The following IL6ST variants were observed in gnomAD, a reference collection of about 807,000 sequenced individuals.
IL6ST encodes interleukin 6 cytokine family signal transducer.
IL6ST carries 24 observed loss-of-function variants against 91.3 expected under a neutral mutation model. The ratio of observed to expected loss-of-function variants is 0.26; its 90% CI spans 0.19 to 0.37. The LOEUF (loss-of-function observed/expected upper bound fraction) is 0.37. Ranked by LOEUF, IL6ST falls within the 10% of genes least tolerant of loss-of-function variation. IL6ST has a pLI of 1.00. For synonymous variants in IL6ST, 351 were observed against 373.6 expected, an observed-to-expected ratio of 0.94 and a Z score of 0.70; for missense variants, 914 against 1,078.5, an observed-to-expected ratio of 0.85 and a Z score of 2.14.
Position 55,936,981 on chromosome 5 carries a change from A to C in IL6ST, c.*4101T>G, listed in dbSNP as rs1307274112. On this transcript the variant is annotated 3_prime_UTR_variant, in exon 17 of 17. Coordinates refer to ENST00000381298, the MANE Select transcript of IL6ST (RefSeq NM_002184.4). ...CAAATTGCACATTTATTTTTAGAGT[A>C]TATTCAATACACATACATATTGAGA... is the stretch of plus-strand genomic sequence containing the variant. 1.5e-5 allele frequency: 3 copies of C among 200,312 alleles called. No homozygotes were observed. Among genetic ancestry groups the C allele is most frequent in the Non-Finnish European group, 1.0e-5 (1 of 96,982 alleles). 12.4% of individuals were successfully genotyped at this position (200,312 alleles called of 1,614,324 possible).
At chr5:55,966,913 G>A (rs1752663988) in intron 5 of IL6ST, among the ~76,000 whole-genome samples, 1 of 151,440 alleles carries the variant, frequency 6.6e-6, no homozygotes, top group African/African-American at 2.4e-5. Flanking sequence ...GGTCTTTCCT[G>A]ACAGAAGTAC....
Position 55,939,063 on chromosome 5 carries a change from G to C in IL6ST, c.*2019C>G, listed in dbSNP as rs1048745. The C allele has an allele frequency of 4.9e-6, 1 of 205,774 alleles. No individual in the cohort carries two copies. Among genetic ancestry groups the C allele is most frequent in the Non-Finnish European group, 9.9e-6 (1 of 100,748 alleles). 12.7% of individuals were successfully genotyped at this position (205,774 alleles called of 1,614,324 possible). A position where few individuals can be genotyped will look rare whatever the true frequency, so the allele number is the denominator to read the frequency against. ...TACAACATTCTTCATGACACTATTT[G>C]TTATGAGGAAAGTTGCAGCTAAATA... On this transcript the variant is annotated 3_prime_UTR_variant, in exon 17 of 17. Coordinates refer to ENST00000381298, the MANE Select transcript of IL6ST (RefSeq NM_002184.4).
chr5:55,975,855 G>A (rs921344517), intron 3 of IL6ST, among the ~76,000 whole-genome samples: 1 of 149,820 alleles, frequency 6.7e-6, no homozygotes, highest in Admixed American at 6.7e-5. Context: ...TATGAATGAC[G>A]TAAAATTTAA....
At chr5:55,979,495 C>G (rs938104291) in intron 2 of IL6ST, among the ~76,000 whole-genome samples, 1 of 152,012 alleles carries the variant, frequency 6.6e-6, no homozygotes, top group East Asian at 1.9e-4. Flanking sequence ...AAAAATTATC[C>G]CAATACCATT....
chr5:55,949,854 G>T (rs968376158), intron 14 of IL6ST, among the ~76,000 whole-genome samples: 1 of 152,136 alleles, frequency 6.6e-6, no homozygotes, highest in Non-Finnish European at 1.5e-5. Context: ...TGGCACTTGG[G>T]GGTGGGGGTT....
In IL6ST at chr5:55,956,203, G is replaced by A. The variant is rs1751960138; in HGVS notation, c.1089C>T (p.Ile363=). 1 of 1,609,492 alleles carries A rather than the reference G, an allele frequency of 6.2e-7. No individual in the cohort carries two copies. The highest frequency in any genetic ancestry group is 1.3e-5 in the African/African-American group (1 of 74,950). The part of the protein sequence containing the change: ...TLPPFEANGK[I]LDYEVTLTRW... ...TTGTGAGAGTCACTTCATAATCCAA[G>A]ATTTTTCCATTGGCTTCAAAAGGAG... is the stretch of plus-strand genomic sequence containing the variant. Residue 363 remains isoleucine (I), a synonymous_variant, in exon 10 of 17, where the codon ATC becomes ATT. Transcript: ENST00000381298.
At position 55,969,725 on chromosome 5, in the gene IL6ST, A is replaced by T. The variant is rs1335073844; in HGVS notation, c.195T>A (p.Ile65=). The part of the protein sequence containing the change: ...MDYFHVNANY[I]VWKTNHFTIP... ...TAGTAAAATGGTTTGTTTTCCAGAC[A>T]ATGTAATTAGCATTTACATGAAAAT... The change falls in exon 4 of 17, where the codon ATT becomes ATA. Residue 65 remains isoleucine, a synonymous_variant. Coordinates refer to ENST00000381298, the MANE Select transcript of IL6ST (RefSeq NM_002184.4). 8.7e-6 allele frequency: 14 copies of T among 1,611,470 alleles called. No homozygotes were observed. The highest frequency in any genetic ancestry group is 1.2e-5 in the Non-Finnish European group (14 of 1,177,750).
chr5:55,958,788 G>A (rs1011765576), intron 8 of IL6ST, among the ~76,000 whole-genome samples: 5 of 149,246 alleles, frequency 3.4e-5, no homozygotes, highest in African/African-American at 9.9e-5. Context: ...GCAGCGAGCC[G>A]TGTTCATGCC....
chr5:55,964,203 C>T lies in IL6ST; in HGVS notation c.601G>A (p.Glu201Lys). Residue 201 changes from glutamate to lysine, a missense_variant, in exon 6 of 17, where the codon GAG becomes AAG. Glu to Lys is a moderately conservative substitution (Grantham distance 56, BLOSUM62 1). Transcript: ENST00000381298. ...GATGTAACCTTCCCAAGGGCATTCTCTGCTTCTACCCAGACTTCAATGTTG... is the reference window on the plus strand; with the variant it reads ...GATGTAACCTTCCCAAGGGCATTCTTTGCTTCTACCCAGACTTCAATGTTG... ...FVNIEVWVEA[E>K]NALGKVTSDH... 1 of 1,610,632 alleles carries T rather than the reference C, an allele frequency of 6.2e-7. No homozygotes were observed. The highest frequency in any genetic ancestry group is 8.5e-7 in the Non-Finnish European group (1 of 1,178,054).
rs771778211 is a variant in IL6ST at position 55,956,105 on chromosome 5, T to G, written c.1187A>C (p.Tyr396Ser). 5 of 1,613,196 alleles carry G rather than the reference T, an allele frequency of 3.1e-6. No individual in the cohort carries two copies. In the Admixed American group the frequency reaches 6.7e-5, roughly 22 times the overall value. The part of the protein sequence containing the change: ...KLTVNLTNDR[Y>S]LATLTVRNLV... ...ATTTCTTACTGTTAGGGTTGCTAGATAGCGATCATTTGTGAGATTTACTGT... is the reference window on the plus strand; with the variant it reads ...ATTTCTTACTGTTAGGGTTGCTAGAGAGCGATCATTTGTGAGATTTACTGT... Residue 396 changes from tyrosine to serine, a missense_variant, in exon 10 of 17, where the codon TAT (tyrosine) becomes TCT (serine). Transcript: ENST00000381298.
At chr5:55,967,883 G>C (rs1374377653) in intron 5 of IL6ST, among the ~76,000 whole-genome samples, 1 of 151,868 alleles carries the variant, frequency 6.6e-6, no homozygotes, top group East Asian at 1.9e-4. Flanking sequence ...TGCAACCTCC[G>C]CCTCCTGGAT....
intron 3 of IL6ST, among the ~76,000 whole-genome samples, chr5:55,972,251 A>G (rs768850217): frequency 5.3e-5 from 8 of 152,146 alleles, no homozygotes; most frequent in Non-Finnish European, 1.0e-4. Context: ...AGTGGCTCAC[A>G]CCTGTAATCC....
Position 55,956,020 on chromosome 5 carries a change from C to A in IL6ST, c.1267+5G>T. The stretch of plus-strand genomic sequence containing the variant: ...AGAGTCAGGCTCCATCTCACAGATA[C>A]AAACCTTGAAAGTCACAGGCAGGGA... On this transcript the variant is annotated splice_donor_5th_base_variant and intron_variant, in intron 10 of 16. Transcript: ENST00000381298. The A allele has an allele frequency of 6.2e-7, 1 of 1,606,008 alleles. No homozygotes were observed. The highest frequency in any genetic ancestry group is 1.1e-5 in the South Asian group (1 of 90,900).
intron 1 of IL6ST, among the ~76,000 whole-genome samples, chr5:55,988,766 CCA>C (rs1754139143): frequency 9.6e-6 from 1 of 104,712 alleles, no homozygotes. Flanking sequence ...AACTCCATCT[CCA>C]AAAAAAAAAA....
intron 7 of IL6ST, 74 bp from the exon 8 acceptor site, chr5:55,960,635 C>CA: frequency 7.5e-7 from 1 of 1,330,678 alleles, no homozygotes; most frequent in East Asian, 2.6e-5. Flanking sequence ...AATTCAGAAA[C>CA]TTTTTTTTTT....
At position 55,936,231 on chromosome 5, in the gene IL6ST, T is replaced by TC. The variant is rs1750515365; in HGVS notation, c.*4850dup. The stretch of plus-strand genomic sequence containing the variant: ...GGATGCCATGTATCAATCTTGAACT[T>TC]CAAGTCTCACTGCAACAAGGATGGA... On this transcript the variant is annotated 3_prime_UTR_variant, in exon 17 of 17. Coordinates refer to ENST00000381298, the MANE Select transcript of IL6ST (RefSeq NM_002184.4). The TC allele has an allele frequency of 8.8e-6, 2 of 227,738 alleles. No homozygotes were observed. The highest frequency in any genetic ancestry group is 3.7e-4 in the South Asian group (2 of 5,472). 14.1% of individuals were successfully genotyped at this position (227,738 alleles called of 1,614,324 possible).
intron 15 of IL6ST, among the ~76,000 whole-genome samples, chr5:55,947,011 T>C (rs1315406210): frequency 6.6e-6 from 1 of 152,104 alleles, no homozygotes; most frequent in Non-Finnish European, 1.5e-5. Context: ...GAGACCAGCC[T>C]GGCCAACATG....
In IL6ST at chr5:55,936,965, CATTT is replaced by C. The variant is rs1561142151; in HGVS notation, c.*4113_*4116del. 1 of 200,382 alleles carries C rather than the reference CATTT, an allele frequency of 5.0e-6. No homozygotes were observed. The highest frequency in any genetic ancestry group is 1.0e-5 in the Non-Finnish European group (1 of 97,104). 12.4% of individuals were successfully genotyped at this position (200,382 alleles called of 1,614,324 possible). A position where few individuals can be genotyped will look rare whatever the true frequency, so the allele number is the denominator to read the frequency against. ...TGCATTGTCCTACTAGCAAATTGCA[CATTT>C]ATTTTTAGAGTATATTCAATACACA... is the stretch of plus-strand genomic sequence containing the variant. On this transcript the variant is annotated 3_prime_UTR_variant, in exon 17 of 17. Coordinates refer to ENST00000381298, the MANE Select transcript of IL6ST (RefSeq NM_002184.4).
intron 1 of IL6ST, among the ~76,000 whole-genome samples, chr5:55,987,152 G>C (rs1327705067): frequency 2.6e-5 from 4 of 152,164 alleles, no homozygotes; most frequent in African/African-American, 9.6e-5. Context: ...GTGACAGAGT[G>C]AGACTGGCAC....
Sources: allele counts gnomAD v4.1 joint callset (sites outside exome capture counted in the v4.1 genomes callset), GRCh38; gene constraint gnomAD v4.1.1; transcripts MANE v1.5; gene names NCBI Gene and HGNC (gene_info 2026-07-23, HGNC 2026-07-21).